The following MYO3A variants were observed in gnomAD, a reference collection of about 807,000 sequenced individuals.
The protein encoded by MYO3A is myosin IIIA.
In MYO3A, 180 loss-of-function variants were observed where a neutral mutation model predicts 192.7. The observed-to-expected ratio is 0.93, with a 90% CI of 0.83 to 1.06. MYO3A has a LOEUF of 1.06. Ranked by LOEUF, MYO3A falls within the 50% of genes least tolerant of loss-of-function variation. The probability of loss-of-function intolerance (pLI) is 0.00; values close to 1 mark genes in which losing one functional copy is unlikely to be tolerated. For missense variants in MYO3A, 1,896 were observed against 1,905.0 expected (o/e 1.00, Z 0.09); for synonymous variants, 628 against 645.3 (o/e 0.97, Z 0.41).
At chr10:26,019,360 G>A (rs980161005) in intron 7 of MYO3A, among the ~76,000 whole-genome samples, 8 of 152,064 alleles carry the variant, frequency 5.3e-5, no homozygotes, top group African/African-American at 1.9e-4. Context: ...CTGGGTTCAC[G>A]CCATTCTCCT....
At chr10:26,123,875 G>C (rs1250639396) in intron 18 of MYO3A, among the ~76,000 whole-genome samples, 1 of 152,090 alleles carries the variant, frequency 6.6e-6, no homozygotes, top group East Asian at 1.9e-4. Flanking sequence ...GCAGTGAGCG[G>C]AGATCGTGCC....
At chr10:26,067,816 T>G (rs1346691579) in intron 11 of MYO3A, among the ~76,000 whole-genome samples, 1 of 150,790 alleles carries the variant, frequency 6.6e-6, no homozygotes, top group Non-Finnish European at 1.5e-5. Flanking sequence ...AGGACTTCTG[T>G]CCTGCCTGAT....
intron 10 of MYO3A, among the ~76,000 whole-genome samples, chr10:26,035,038 C>T (rs1296714863): frequency 6.6e-6 from 1 of 151,810 alleles, no homozygotes; most frequent in East Asian, 1.9e-4. Flanking sequence ...AAGGAAATGT[C>T]CCTGTCAGTG....
intron 6 of MYO3A, among the ~76,000 whole-genome samples, chr10:25,997,625 G>A (rs1840534662): frequency 6.6e-6 from 1 of 152,158 alleles, no homozygotes. Context: ...GAGATGTGAG[G>A]GGAAATTTTC....
intron 15 of MYO3A, among the ~76,000 whole-genome samples, chr10:26,091,337 T>C (rs1290200326): frequency 6.6e-6 from 1 of 152,224 alleles, no homozygotes; most frequent in Admixed American, 6.5e-5. Context: ...AGTACTATCT[T>C]ATAACTTGTG....
rs1383074676 is a variant in MYO3A at position 26,040,772 on chromosome 10, T to G, written c.953+14240T>G. On this transcript the variant is annotated intron_variant, in intron 10 of 34. Transcript: ENST00000642920. ...GTCAGAGAAGATGCTTGATATTATT[T>G]CCATTTAAAAAATATTTTAAGACTT... Among the ~76,000 whole-genome samples, 5 of 152,122 alleles carry G rather than the reference T, an allele frequency of 3.3e-5. No homozygotes were observed. In the East Asian group the frequency reaches 9.6e-4, roughly 29 times the overall value.
At chr10:26,186,604 G>A (rs1402001311) in intron 31 of MYO3A, among the ~76,000 whole-genome samples, 1 of 152,162 alleles carries the variant, frequency 6.6e-6, no homozygotes, top group East Asian at 1.9e-4. Context: ...GTGTAGCAAA[G>A]TAAATGGCAT....
intron 10 of MYO3A, among the ~76,000 whole-genome samples, chr10:26,046,767 C>T (rs1478258545): frequency 2.6e-5 from 4 of 152,186 alleles, no homozygotes; most frequent in African/African-American, 7.2e-5. Flanking sequence ...CATATAAATA[C>T]ATTCAGTAAA....
intron 25 of MYO3A, among the ~76,000 whole-genome samples, chr10:26,155,653 A>AT (rs966475602): frequency 6.6e-6 from 1 of 152,220 alleles, no homozygotes; most frequent in Non-Finnish European, 1.5e-5. Context: ...TTTACTAAAT[A>AT]TTTTTTAAGT....
chr10:26,077,667 T>C (rs1018320385), intron 14 of MYO3A, among the ~76,000 whole-genome samples: 2 of 152,086 alleles, frequency 1.3e-5, no homozygotes, highest in Non-Finnish European at 2.9e-5. Context: ...TTAAGATATG[T>C]CCCTTGTATG....
intron 14 of MYO3A, among the ~76,000 whole-genome samples, chr10:26,078,027 C>T (rs1835698036): frequency 6.6e-6 from 1 of 151,394 alleles, no homozygotes; most frequent in Non-Finnish European, 1.5e-5. Context: ...GAATTAGGGA[C>T]AGTTCCTTCT....
At chr10:26,159,209 C>G (rs970211240) in intron 26 of MYO3A, among the ~76,000 whole-genome samples, 1 of 151,080 alleles carries the variant, frequency 6.6e-6, no homozygotes, top group Non-Finnish European at 1.5e-5. Context: ...CCAGGATGGT[C>G]TCCATCTCCT....
At chr10:26,077,255 T>TTTTTTTTTTTTTTTTTA (rs1835647309) in intron 14 of MYO3A, among the ~76,000 whole-genome samples, 1 of 141,650 alleles carries the variant, frequency 7.1e-6, no homozygotes, top group African/African-American at 2.6e-5. Flanking sequence ...TTTTTTTTTT[T>TTTTTTTTTTTTTTTTTA]GCAGCTGTTG....
intron 10 of MYO3A, among the ~76,000 whole-genome samples, chr10:26,035,940 C>CT (rs893391638): frequency 2.8e-4 from 41 of 146,936 alleles, no homozygotes; most frequent in African/African-American, 6.0e-4. Flanking sequence ...TTGCCTAAGA[C>CT]TTTTTTTTTT....
intron 10 of MYO3A, among the ~76,000 whole-genome samples, chr10:26,038,647 C>A (rs1843163308): frequency 6.6e-6 from 1 of 151,912 alleles, no homozygotes; most frequent in South Asian, 2.1e-4. Context: ...GATAATATGA[C>A]TTCCTCCTTT....
At chr10:26,072,463 A>T (rs1164033993) in intron 14 of MYO3A, among the ~76,000 whole-genome samples, 1 of 152,222 alleles carries the variant, frequency 6.6e-6, no homozygotes, top group Non-Finnish European at 1.5e-5. Flanking sequence ...CTAGGGGTTT[A>T]CATAACAGGG....
At chr10:26,112,950 T>G (rs903434403) in intron 17 of MYO3A, among the ~76,000 whole-genome samples, 14 of 151,972 alleles carry the variant, frequency 9.2e-5, no homozygotes, top group African/African-American at 2.4e-4. Flanking sequence ...TTTCGGGGGG[T>G]TTTTTGCACA....
At chr10:26,045,956 A>T (rs1356306925) in intron 10 of MYO3A, among the ~76,000 whole-genome samples, 1 of 152,204 alleles carries the variant, frequency 6.6e-6, no homozygotes, top group African/African-American at 2.4e-5. Context: ...AGGAAGGTGA[A>T]TAAGAACTCA....
chr10:26,212,167 C>T lies in MYO3A; in HGVS notation c.*204C>T. The T allele has an allele frequency of 1.5e-6, 1 of 686,816 alleles. No homozygotes were observed. Among genetic ancestry groups the T allele is most frequent in the Non-Finnish European group, 2.3e-6 (1 of 435,246 alleles). 42.5% of individuals were successfully genotyped at this position (686,816 alleles called of 1,614,324 possible). A position where few individuals can be genotyped will look rare whatever the true frequency, so the allele number is the denominator to read the frequency against. ...AAGAGACCTGGGAGCCCTCGGGAAACCTCCCCCGACGCTCTCTCTCGGAAC... is the reference window on the plus strand; with the variant it reads ...AAGAGACCTGGGAGCCCTCGGGAAATCTCCCCCGACGCTCTCTCTCGGAAC... On this transcript the variant is annotated 3_prime_UTR_variant, in exon 35 of 35. Coordinates refer to ENST00000642920, the MANE Select transcript of MYO3A (RefSeq NM_017433.5).
Sources: gnomAD v4.1 joint callset for allele counts (sites outside exome capture counted in the v4.1 genomes callset) on GRCh38, gnomAD v4.1.1 for gene constraint, MANE v1.5 for transcripts, NCBI Gene and HGNC (gene_info 2026-07-23, HGNC 2026-07-21) for gene names.